MIR17HG: variants seen among roughly 807,000 people sequenced by gnomAD.
MIR17HG encodes miR-17-92a-1 cluster host gene, also known as MIR17 host gene (non-protein coding).
At chr13:91,348,420 G>A (rs1006977204) in intron 1 of MIR17HG, among the ~76,000 whole-genome samples, 56 of 150,894 alleles carry the variant, frequency 3.7e-4, no homozygotes, top group African/African-American at 1.4e-3. Context: ...AAGCGGCGGC[G>A]GCGGCGGCAC....
chr13:91,350,386 T>C lies in MIR17HG; in HGVS notation n.284+160T>C, dbSNP rs1047133295. 1.5e-5 allele frequency: 5 copies of C among 330,306 alleles called. No homozygotes were observed. In the Admixed American group the frequency reaches 2.0e-4, roughly 13 times the overall value. 20.5% of individuals were successfully genotyped at this position (330,306 alleles called of 1,614,324 possible). On this transcript the variant is annotated intron_variant and non_coding_transcript_variant, in intron 3 of 3. Coordinates refer to ENST00000400282, the Ensembl canonical transcript of MIR17HG. ...CCAGTGCTAGTTGGATGGTTGGTTA[T>C]GATTGCCTTCTGTAAAGAATTCTTA...
At chr13:91,350,402 AGAATT>A (rs1875240914) in intron 3 of MIR17HG, 1 of 336,422 alleles carries the variant, frequency 3.0e-6, no homozygotes, top group African/African-American at 2.2e-5. Flanking sequence ...CCTTCTGTAA[AGAATT>A]CTTAAGGCAT....
intron 1 of MIR17HG, among the ~76,000 whole-genome samples, chr13:91,348,629 G>A (rs956966077): frequency 6.6e-6 from 1 of 150,908 alleles, no homozygotes; most frequent in African/African-American, 2.4e-5. Flanking sequence ...CAGCCTCGGG[G>A]CGGGGCCCGC....
intron 1 of MIR17HG, chr13:91,349,574 C>T (rs1875181176): frequency 1.3e-5 from 2 of 152,208 alleles, no homozygotes; most frequent in Admixed American, 1.3e-4. Flanking sequence ...CTCTTACTCT[C>T]ACAAATGGAT....
chr13:91,348,812 C>A (rs1031355241), intron 1 of MIR17HG, among the ~76,000 whole-genome samples: 1 of 149,742 alleles, frequency 6.7e-6, no homozygotes, highest in South Asian at 2.1e-4. Flanking sequence ...GGGGTGAGGG[C>A]GGGGGACATG....
intron 3 of MIR17HG, among the ~76,000 whole-genome samples, chr13:91,353,780 C>CTTT (rs60480664): frequency 2.5e-3 from 343 of 137,156 alleles, no homozygotes; most frequent in African/African-American, 8.3e-3. Flanking sequence ...AATGGGTCAA[C>CTTT]TTTTTTTTTT....
At chr13:91,351,458 T>G in intron 3 of MIR17HG, 1 of 480,336 alleles carries the variant, frequency 2.1e-6, no homozygotes. Context: ...CACTGTTAAA[T>G]GTACAAGATA....
At chr13:91,350,411 A>G (rs1436873652) in intron 3 of MIR17HG, 1 of 341,664 alleles carries the variant, frequency 2.9e-6, no homozygotes, top group East Asian at 7.6e-5. Context: ...AAGAATTCTT[A>G]AGGCATAAAT....
intron 1 of MIR17HG, among the ~76,000 whole-genome samples, chr13:91,348,878 G>A (rs1594011846): frequency 6.7e-6 from 1 of 148,830 alleles, no homozygotes; most frequent in African/African-American, 2.4e-5. Flanking sequence ...GGCCGCGTGC[G>A]ACGGGCACCG....
At chr13:91,351,485 A>G (rs1875311971) in intron 3 of MIR17HG, 1 of 406,470 alleles carries the variant, frequency 2.5e-6, no homozygotes, top group South Asian at 1.9e-5. Context: ...ATATTAAAGA[A>G]AATGTGTAAC....
intron 3 of MIR17HG, among the ~76,000 whole-genome samples, chr13:91,352,740 C>G (rs564278702): frequency 1.3e-5 from 2 of 151,996 alleles, no homozygotes; most frequent in African/African-American, 2.4e-5. Context: ...AGTTCTTAAG[C>G]TTTTTGAATT....
At chr13:91,348,912 T>C (rs1470975100) in intron 1 of MIR17HG, among the ~76,000 whole-genome samples, 2 of 147,898 alleles carry the variant, frequency 1.4e-5, no homozygotes, top group Non-Finnish European at 3.0e-5. Flanking sequence ...CCCGCCCCTC[T>C]GGGCCGGGCT....
exon 4 of MIR17HG, chr13:91,354,535 A>T (rs190317087): frequency 6.6e-6 from 1 of 152,000 alleles, no homozygotes; most frequent in African/African-American, 2.4e-5. Flanking sequence ...GCTGTTAAGA[A>T]ATTGTCCAGA....
chr13:91,348,564 C>T (rs1380803438), intron 1 of MIR17HG, among the ~76,000 whole-genome samples: 2 of 151,190 alleles, frequency 1.3e-5, no homozygotes, highest in African/African-American at 4.8e-5. Context: ...GCGCCGAGAT[C>T]GGCGCGGCCT....
At chr13:91,351,287 G>A (rs1290445829) in intron 3 of MIR17HG, 1 of 531,776 alleles carries the variant, frequency 1.9e-6, no homozygotes, top group Non-Finnish European at 3.9e-6. Context: ...TGAAAAGTCT[G>A]TAGAAAAGTA....
chr13:91,352,987 G>A (rs1022921419), intron 3 of MIR17HG, among the ~76,000 whole-genome samples: 1 of 151,716 alleles, frequency 6.6e-6, no homozygotes, highest in Non-Finnish European at 1.5e-5. Flanking sequence ...GCGTGCACCT[G>A]TAATCCCAGC....
intron 3 of MIR17HG, among the ~76,000 whole-genome samples, chr13:91,353,781 T>TC (rs1875441444): frequency 9.8e-6 from 1 of 102,336 alleles, no homozygotes; most frequent in Non-Finnish European, 1.9e-5. Context: ...ATGGGTCAAC[T>TC]TTTTTTTTTT....
chr13:91,348,411 A>G (rs1383791484), intron 1 of MIR17HG, among the ~76,000 whole-genome samples: 1 of 146,854 alleles, frequency 6.8e-6, no homozygotes, highest in Non-Finnish European at 1.5e-5. Context: ...TCCAGAACAA[A>G]GCGGCGGCGG....
rs771404053 is a variant in MIR17HG at position 91,351,348 on chromosome 13, T to G, written n.284+1122T>G. On this transcript the variant is annotated intron_variant and non_coding_transcript_variant, in intron 3 of 3. Coordinates refer to ENST00000400282, the Ensembl canonical transcript of MIR17HG. ...CAGGTTGGGATCGGTTGCAATGCTG[T>G]GTTTCTGTATGGTATTGCACTTGTC... 18 of 531,038 alleles carry G rather than the reference T, an allele frequency of 3.4e-5. No homozygotes were observed. The Admixed American group carries it at 3.5e-4, about 10-fold the overall frequency. The allele number at this position is 531,038 out of a possible 1,614,324, so 32.9% of individuals were successfully genotyped here.
Sources: gnomAD v4.1 joint callset for allele counts (sites outside exome capture counted in the v4.1 genomes callset) on GRCh38, gnomAD v4.1.1 for gene constraint, MANE v1.5 for transcripts, NCBI Gene and HGNC (gene_info 2026-07-23, HGNC 2026-07-21) for gene names.